The following SNRNP70 variants were observed in gnomAD, a reference collection of about 807,000 sequenced individuals.
SNRNP70 encodes small nuclear ribonucleoprotein U1 subunit 70, also known as U1 small nuclear ribonucleoprotein 70 kDa.
SNRNP70 carries 8 observed loss-of-function variants against 50.5 expected under a neutral mutation model. The ratio of observed to expected loss-of-function variants is 0.16; its 90% CI spans 0.09 to 0.29. The LOEUF is 0.29. SNRNP70 is among the 10% of genes least tolerant of loss of function. SNRNP70 has a pLI of 1.00. For missense variants in SNRNP70, 529 were observed against 663.5 expected, an observed-to-expected ratio of 0.80 and a Z score of 2.23; for synonymous variants, 320 against 252.9, an observed-to-expected ratio of 1.27 and a Z score of -2.52.
intron 4 of SNRNP70, among the ~76,000 whole-genome samples, chr19:49,094,916 G>A (rs1292754244): frequency 6.6e-6 from 1 of 152,206 alleles, no homozygotes; most frequent in African/African-American, 2.4e-5. Context: ...GTACCTCAAA[G>A]CCTAATTCCC....
Position 49,107,729 on chromosome 19 carries a change from G to T in SNRNP70, c.665+17G>T. On this transcript the variant is annotated intron_variant, in intron 9 of 9. Transcript: ENST00000598441. The surrounding 1 kb of genome is among the most constrained non-coding windows in gnomAD (Gnocchi z 6.0). The stretch of plus-strand genomic sequence containing the variant: ...CGATGAGAGGTAAGATTGGGCGACC[G>T]GTGTCCTGGGGTGGGGGGCGGTCAC... 1 of 1,613,714 alleles carries T rather than the reference G, an allele frequency of 6.2e-7. No homozygotes were observed. Among genetic ancestry groups the T allele is most frequent in the East Asian group, 2.2e-5 (1 of 44,862 alleles).
chr19:49,088,709 A>G (rs921306660), intron 2 of SNRNP70, among the ~76,000 whole-genome samples: 2 of 151,730 alleles, frequency 1.3e-5, no homozygotes, highest in African/African-American at 2.4e-5. Context: ...GTTGGTCAGG[A>G]TGGTCTCAAA....
In SNRNP70 at chr19:49,107,784, A is replaced by G; in HGVS notation, c.666-11A>G. The G allele has an allele frequency of 6.2e-7, 1 of 1,609,976 alleles. No homozygotes were observed. The highest frequency in any genetic ancestry group is 8.5e-7 in the Non-Finnish European group (1 of 1,178,646). ...GGAGCCCAGCCACACAGGTCTGCCC[A>G]CCTCATCCAGGCCCGGCCCCTCCCC... On this transcript the variant is annotated splice_polypyrimidine_tract_variant and intron_variant, in intron 9 of 9. Coordinates refer to ENST00000598441, the MANE Select transcript of SNRNP70 (RefSeq NM_003089.6). The surrounding 1 kb of genome is among the most constrained non-coding windows in gnomAD (Gnocchi z 6.0).
In SNRNP70 at chr19:49,108,481, T is replaced by C; in HGVS notation, c.*38T>C. 1 of 1,553,952 alleles carries C rather than the reference T, an allele frequency of 6.4e-7. No homozygotes were observed. Among genetic ancestry groups the C allele is most frequent in the Non-Finnish European group, 8.7e-7 (1 of 1,150,182 alleles). On this transcript the variant is annotated 3_prime_UTR_variant, in exon 10 of 10. Transcript: ENST00000598441. ...CTCCATCTGCTGTGTTTGGACGCGT[T>C]CCTGCCCAGCCCCTTGCTGTCATCC...
chr19:49,098,754 G>C, intron 6 of SNRNP70, 50 bp downstream of exon 6: 1 of 1,461,610 alleles, frequency 6.8e-7, no homozygotes, highest in Non-Finnish European at 9.6e-7. Flanking sequence ...TGGAGGAGGG[G>C]CTGTATCCTG....
intron 4 of SNRNP70, among the ~76,000 whole-genome samples, chr19:49,093,743 C>A (rs1034830525): frequency 2.4e-4 from 36 of 150,840 alleles, no homozygotes; most frequent in Non-Finnish European, 4.1e-4. Flanking sequence ...GCCTGTTGTC[C>A]AGCACTTTGG....
At chr19:49,090,701 C>T in intron 4 of SNRNP70, 181 bp downstream of exon 4, 1 of 631,770 alleles carries the variant, frequency 1.6e-6, no homozygotes, top group Non-Finnish European at 2.8e-6. Flanking sequence ...TTTTCAGCAG[C>T]AGAACATAGG....
intron 8 of SNRNP70, among the ~76,000 whole-genome samples, chr19:49,106,011 G>A (rs2040663227): frequency 6.6e-6 from 1 of 152,332 alleles, no homozygotes; most frequent in Middle Eastern, 3.4e-3. Flanking sequence ...AGTGACAGTT[G>A]TCAGAGAAGA....
chr19:49,089,534 A>C (rs1180679572), intron 2 of SNRNP70, among the ~76,000 whole-genome samples: 1 of 152,102 alleles, frequency 6.6e-6, no homozygotes, highest in Non-Finnish European at 1.5e-5. Flanking sequence ...GTCAGTGGAC[A>C]TCAAATTGTG....
Position 49,090,486 on chromosome 19 carries a change from G to A in SNRNP70, c.231G>A (p.Arg77=). 1.9e-6 allele frequency: 3 copies of A among 1,614,084 alleles called. No individual in the cohort carries two copies. The highest frequency in any genetic ancestry group is 2.5e-6 in the Non-Finnish European group (3 of 1,180,020). Residue 77 remains arginine (R), a synonymous_variant, in exon 4 of 10, where the codon CGG becomes CGA. Transcript: ENST00000598441. ...GACAGAGACGGGAAAAGATTGAGCG[G>A]CGACAGCAAGAAGTGGAGACAGAGC... The part of the protein sequence containing the change: ...MERKRREKIE[R]RQQEVETELK...
intron 4 of SNRNP70, among the ~76,000 whole-genome samples, chr19:49,093,133 T>C (rs977074968): frequency 2.0e-5 from 3 of 151,920 alleles, no homozygotes; most frequent in African/African-American, 7.2e-5. Context: ...TTTGCTGTTA[T>C]TGCCCAGGCT....
At chr19:49,085,730 C>T (rs2040369074) in intron 1 of SNRNP70, 94 bp downstream of exon 1, 1 of 438,910 alleles carries the variant, frequency 2.3e-6, no homozygotes, top group Admixed American at 2.4e-5. Context: ...CGGCCAGGCC[C>T]CTTTCCCGCG....
chr19:49,108,251 TGACCGC>T lies in SNRNP70; in HGVS notation c.1125_1130del (p.Asp375_Arg376del), dbSNP rs764150704. 1.3e-6 allele frequency: 2 copies of T among 1,545,770 alleles called. No individual in the cohort carries two copies. The highest frequency in any genetic ancestry group is 1.4e-5 in the African/African-American group (1 of 72,840). ...GGGACCGGGATCGTGACCGTGACCG[TGACCGC>T]GAGCACAAACGGGGGGAGCGGGGCA... On this transcript the variant is annotated inframe_deletion, in exon 10 of 10. Coordinates refer to ENST00000598441, the MANE Select transcript of SNRNP70 (RefSeq NM_003089.6).
intron 4 of SNRNP70, among the ~76,000 whole-genome samples, chr19:49,097,497 G>A (rs987902774): frequency 3.3e-5 from 5 of 152,062 alleles, no homozygotes; most frequent in African/African-American, 7.2e-5. Context: ...TTTTTCACAC[G>A]TGTCTGCAAT....
chr19:49,095,575 C>A lies in SNRNP70; in HGVS notation c.266-2852C>A, dbSNP rs1451674928. Among the ~76,000 whole-genome samples, 7 of 148,632 alleles carry A rather than the reference C, an allele frequency of 4.7e-5. No individual in the cohort carries two copies. In the South Asian group the frequency reaches 1.3e-3, roughly 27 times the overall value. ...TTTTGGAGACAGTCTCACTCTGTTG[C>A]ACAGGATAGACTGTAGTGGCACGAT... is the stretch of plus-strand genomic sequence containing the variant. On this transcript the variant is annotated intron_variant, in intron 4 of 9. Transcript: ENST00000598441.
chr19:49,090,170 G>A (rs995658757), intron 2 of SNRNP70, 121 bp from the exon 3 acceptor site: 5 of 809,554 alleles, frequency 6.2e-6, no homozygotes, highest in South Asian at 1.5e-5. Flanking sequence ...GGAAGTGTGC[G>A]TGGATGTTTA....
At chr19:49,096,377 G>A (rs1370478188) in intron 4 of SNRNP70, among the ~76,000 whole-genome samples, 1 of 152,132 alleles carries the variant, frequency 6.6e-6, no homozygotes, top group Non-Finnish European at 1.5e-5. Context: ...CTTGAGGAGT[G>A]GGTGGAGAGA....
At position 49,090,520 on chromosome 19, in the gene SNRNP70, T is replaced by C; in HGVS notation, c.265T>C (p.Trp89Arg). 1 of 1,613,928 alleles carries C rather than the reference T, an allele frequency of 6.2e-7. No homozygotes were observed. Among genetic ancestry groups the C allele is most frequent in the African/African-American group, 1.3e-5 (1 of 75,006 alleles). ...AGAAGTGGAGACAGAGCTTAAAATG[T>C]GTAAGTCTCTCATCCACCATTTGGC... ...QQEVETELKM[W>R]DPHNDPNAQG... The change falls in exon 4 of 10, where the codon TGG (tryptophan) becomes CGG (arginine). Residue 89 changes from tryptophan (W) to arginine (R), a missense_variant and splice_region_variant. Coordinates refer to ENST00000598441, the MANE Select transcript of SNRNP70 (RefSeq NM_003089.6).
Position 49,108,215 on chromosome 19 carries a change from C to T in SNRNP70, c.1086C>T (p.Arg362=), listed in dbSNP as rs374205734. Residue 362 remains arginine (R), a synonymous_variant, in exon 10 of 10, where the codon CGC becomes CGT. Transcript: ENST00000598441. ...GACGGCGGAGCCACCGGAGCGAGCG[C>T]GAGCGGCGCCGGGACCGGGATCGTG... ...RERRRSHRSE[R]ERRRDRDRDR... is the part of the protein sequence containing the mutation. The T allele has an allele frequency of 4.9e-5, 75 of 1,531,780 alleles. 1 individual carries two copies. In the African/African-American group the frequency reaches 6.2e-4, roughly 13 times the overall value. 94.9% of individuals were successfully genotyped at this position (1,531,780 alleles called of 1,614,324 possible).
Sources: gnomAD v4.1 joint callset for allele counts (sites outside exome capture counted in the v4.1 genomes callset) on GRCh38, gnomAD v4.1.1 for gene constraint, Gnocchi (gnomAD v3.1) non-coding constraint, MANE v1.5 for transcripts, NCBI Gene and HGNC (gene_info 2026-07-23, HGNC 2026-07-21) for gene names.